The following SLC4A4 variants were observed in gnomAD, a reference collection of about 807,000 sequenced individuals.
SLC4A4 encodes the protein solute carrier family 4 member 4.
SLC4A4 carries 27 observed loss-of-function variants against 111.5 expected under a neutral mutation model. That is an observed-to-expected ratio of 0.24 (90% CI 0.18 to 0.33). The LOEUF is 0.33. Among genes scored for constraint, SLC4A4 ranks in the 10% least tolerant of loss-of-function variants. The pLI, the probability that SLC4A4 is intolerant of heterozygous loss-of-function variation, is 1.00. For synonymous variants in SLC4A4, 443 were observed against 463.4 expected (o/e 0.96, Z 0.57); for missense variants, 909 against 1,315.5 (o/e 0.69, Z 4.78).
chr4:71,543,958 T>C (rs974430553), intron 18 of SLC4A4, among the ~76,000 whole-genome samples: 2 of 152,104 alleles, frequency 1.3e-5, no homozygotes, highest in Admixed American at 6.6e-5. Flanking sequence ...ATATGCATGC[T>C]ATTTTTCCTT....
chr4:71,463,776 C>A (rs1448954426), intron 12 of SLC4A4, among the ~76,000 whole-genome samples: 1 of 152,016 alleles, frequency 6.6e-6, no homozygotes, highest in East Asian at 1.9e-4. Flanking sequence ...TGTCTACAGA[C>A]CACATGTAGA....
At chr4:71,531,700 G>A (rs115104012) in intron 16 of SLC4A4, among the ~76,000 whole-genome samples, 1,909 of 149,268 alleles carry the variant, frequency 0.013, 48 homozygotes, top group African/African-American at 0.045. Context: ...TTGCAAGCAG[G>A]ATGAGTTTAT....
intron 3 of SLC4A4, among the ~76,000 whole-genome samples, chr4:71,281,623 C>T (rs1026506109): frequency 1.4e-4 from 22 of 152,042 alleles, no homozygotes; most frequent in African/African-American, 5.3e-4. Context: ...GAATATAAAA[C>T]CTTGATATGA....
At chr4:71,398,049 G>A (rs1719989275) in intron 7 of SLC4A4, among the ~76,000 whole-genome samples, 1 of 152,100 alleles carries the variant, frequency 6.6e-6, no homozygotes, top group Non-Finnish European at 1.5e-5. Context: ...ACTTTGGGAG[G>A]CTGAGGTGGG....
chr4:71,442,940 G>T (rs765016091), intron 8 of SLC4A4, among the ~76,000 whole-genome samples: 3 of 151,214 alleles, frequency 2.0e-5, no homozygotes, highest in Non-Finnish European at 2.9e-5. Flanking sequence ...TATCTATGTA[G>T]GGGCCCCTCT....
At chr4:71,307,178 G>A (rs1443249021) in intron 3 of SLC4A4, among the ~76,000 whole-genome samples, 1 of 152,154 alleles carries the variant, frequency 6.6e-6, no homozygotes, top group Non-Finnish European at 1.5e-5. Flanking sequence ...AAAAATATGT[G>A]CTTAATGCTG....
chr4:71,544,683 G>C (rs1304973300), intron 18 of SLC4A4, among the ~76,000 whole-genome samples: 1 of 152,014 alleles, frequency 6.6e-6, no homozygotes, highest in African/African-American at 2.4e-5. Flanking sequence ...AGTGTGTTTA[G>C]AACATAAGCA....
chr4:71,397,553 T>C, intron 6 of SLC4A4, 24 bp from the exon 7 acceptor site: 1 of 1,600,348 alleles, frequency 6.2e-7, no homozygotes, highest in Non-Finnish European at 8.6e-7. Context: ...AGTCTTTAAT[T>C]AGAGTTTACT....
intron 7 of SLC4A4, among the ~76,000 whole-genome samples, chr4:71,403,611 A>G (rs1720565305): frequency 6.6e-6 from 1 of 152,194 alleles, no homozygotes; most frequent in African/African-American, 2.4e-5. Context: ...GGCCTAAGGC[A>G]GAAATGAAGA....
intron 18 of SLC4A4, among the ~76,000 whole-genome samples, chr4:71,536,523 G>GT (rs1734516672): frequency 8.7e-6 from 1 of 114,828 alleles, no homozygotes; most frequent in Non-Finnish European, 1.8e-5. Context: ...TTTAGACAGA[G>GT]TCTTGCTCTG....
At chr4:71,122,870 G>A (rs1743471106) in intron 2 of SLC4A4, among the ~76,000 whole-genome samples, 1 of 152,112 alleles carries the variant, frequency 6.6e-6, no homozygotes, top group Admixed American at 6.5e-5. Flanking sequence ...ATATGAACAG[G>A]TGACTAAGAA....
Position 71,405,164 on chromosome 4 carries a change from A to G in SLC4A4, c.807+7511A>G, listed in dbSNP as rs555542807. 2.6e-5 allele frequency among the ~76,000 whole-genome samples: 4 copies of G among 152,192 alleles called. No individual in the cohort carries two copies. The South Asian group carries it at 8.3e-4, about 32-fold the overall frequency. On this transcript the variant is annotated intron_variant, in intron 7 of 25. Coordinates refer to ENST00000264485, the MANE Select transcript of SLC4A4 (RefSeq NM_001098484.3). Reference sequence around the variant, plus strand: ...ATAGTAACATGTTATTATCCACAATATTTTTTAAAACTTTAGAATTTTCTG... The same window carrying G: ...ATAGTAACATGTTATTATCCACAATGTTTTTTAAAACTTTAGAATTTTCTG...
At chr4:71,373,443 G>A (rs1199309089) in intron 6 of SLC4A4, among the ~76,000 whole-genome samples, 1 of 152,230 alleles carries the variant, frequency 6.6e-6, no homozygotes, top group Non-Finnish European at 1.5e-5. Flanking sequence ...AATAGAGATT[G>A]TAGTAAGAGC....
intron 16 of SLC4A4, among the ~76,000 whole-genome samples, chr4:71,502,399 T>C: frequency 6.6e-6 from 1 of 152,192 alleles, no homozygotes; most frequent in Middle Eastern, 3.2e-3. Context: ...TTTGTCTTTC[T>C]AGCTCCTTGA....
intron 1 of SLC4A4, among the ~76,000 whole-genome samples, chr4:71,199,209 C>T (rs1746141585): frequency 6.6e-6 from 1 of 152,316 alleles, no homozygotes; most frequent in South Asian, 2.1e-4. Context: ...ATAAAGTTTA[C>T]TGGCCTCAGC....
rs1418585507 is a variant in SLC4A4 at position 71,267,279 on chromosome 4, AG to A, written c.253+11882del. On this transcript the variant is annotated intron_variant, in intron 3 of 25. Coordinates refer to ENST00000264485, the MANE Select transcript of SLC4A4 (RefSeq NM_001098484.3). The stretch of plus-strand genomic sequence containing the variant: ...TTTGATAAAAGGTAGGTTCTGATCA[AG>A]GTAGGGAGGTTAGGAAAGGCTTCTC... Among the ~76,000 whole-genome samples the A allele has an allele frequency of 3.3e-5, 5 of 152,146 alleles. No homozygotes were observed. The East Asian group carries it at 9.7e-4, about 29-fold the overall frequency.
chr4:71,417,802 G>A (rs1271114758), intron 7 of SLC4A4, among the ~76,000 whole-genome samples: 2 of 152,116 alleles, frequency 1.3e-5, no homozygotes, highest in African/African-American at 4.8e-5. Context: ...CAGGAAAATA[G>A]CTTCTAAACT....
intron 11 of SLC4A4, 22 bp from the exon 12 acceptor site, chr4:71,453,473 T>A (rs748916431): frequency 6.2e-7 from 1 of 1,610,796 alleles, no homozygotes; most frequent in Admixed American, 1.7e-5. Flanking sequence ...ATTTAGTGGA[T>A]GTTTGCATTC....
intron 1 of SLC4A4, among the ~76,000 whole-genome samples, chr4:71,228,916 A>G (rs1392627089): frequency 6.6e-6 from 1 of 152,144 alleles, no homozygotes; most frequent in Non-Finnish European, 1.5e-5. Flanking sequence ...TTCCTGTTTT[A>G]CTTGTACTAA....
Sources: gnomAD v4.1 joint callset for allele counts (sites outside exome capture counted in the v4.1 genomes callset) on GRCh38, gnomAD v4.1.1 for gene constraint, MANE v1.5 for transcripts, NCBI Gene and HGNC (gene_info 2026-07-23, HGNC 2026-07-21) for gene names.